Variants in UGT2A1 observed in about 807,000 individuals in gnomAD.
UGT2A1 encodes the protein UDP-glucuronosyltransferase 2A1.
In UGT2A1, 61 loss-of-function variants were observed where a neutral mutation model predicts 45.4. The observed-to-expected ratio is 1.34, with a 90% confidence interval of 1.09 to 1.66. The LOEUF is 1.66. Ranked by LOEUF, UGT2A1 falls within the 40% of genes most tolerant of loss-of-function variation. UGT2A1 has a pLI of 0.00. For synonymous variants in UGT2A1, 229 were observed against 196.2 expected (o/e 1.17, Z -1.40); for missense variants, 649 against 574.3 (o/e 1.13, Z -1.33).
In UGT2A1 at chr4:69,597,715, AACAC is replaced by A. The variant is rs71671445; in HGVS notation, c.996+1527_996+1530del. On this transcript the variant is annotated intron_variant, in intron 4 of 6. Transcript: ENST00000286604. ...CAAACAGATATTAATTCATTAAAATAACACACACACACACACACACAAACATACA... is the reference window on the plus strand; with the variant it reads ...CAAACAGATATTAATTCATTAAAATAACACACACACACACACAAACATACA... 3.1e-4 allele frequency among the ~76,000 whole-genome samples: 47 copies of A among 150,352 alleles called. 1 individual carries two copies. The Middle Eastern group carries it at 0.01, about 33-fold the overall frequency.
intron 3 of UGT2A1, among the ~76,000 whole-genome samples, chr4:69,626,584 G>A (rs888977871): frequency 1.3e-5 from 2 of 151,400 alleles, no homozygotes; most frequent in Non-Finnish European, 3.0e-5. Flanking sequence ...TTAGTGACAC[G>A]CAGTATACTC....
rs1276826745 is a variant in UGT2A1 at position 69,601,836 on chromosome 4, G to A, written c.848-2442C>T. Among the ~76,000 whole-genome samples, 2 of 136,228 alleles carry A rather than the reference G, an allele frequency of 1.5e-5. 1 individual carries two copies. Among genetic ancestry groups the A allele is most frequent in the African/African-American group, 6.0e-5 (2 of 33,542 alleles). The allele number at this position is 136,228 out of a possible 152,430, so 89.4% of individuals were successfully genotyped here. A position where few individuals can be genotyped will look rare whatever the true frequency, so the allele number is the denominator to read the frequency against. ...CTGGGGTGTGACAGCCCTACTGGGT[G>A]GCCAGGTCTAGAGGAGCAGCAGCAC... On this transcript the variant is annotated intron_variant, in intron 3 of 6. Transcript: ENST00000286604.
intron 3 of UGT2A1, among the ~76,000 whole-genome samples, chr4:69,629,548 T>A (rs769228584): frequency 1.3e-5 from 2 of 152,030 alleles, no homozygotes; most frequent in African/African-American, 2.4e-5. Flanking sequence ...GTAGCTGAGG[T>A]TAGTCAAACA....
chr4:69,639,323 A>G (rs769604929), intron 2 of UGT2A1: 14 of 1,613,578 alleles, frequency 8.7e-6, no homozygotes, highest in East Asian at 2.2e-5. Flanking sequence ...GAGTTGGTCT[A>G]TGGTCAATCC....
intron 2 of UGT2A1, among the ~76,000 whole-genome samples, chr4:69,640,493 G>T (rs542214147): frequency 6.6e-6 from 1 of 151,936 alleles, no homozygotes; most frequent in East Asian, 1.9e-4. Flanking sequence ...GATCAGATAT[G>T]GATATAGTGT....
rs545862381 is a variant in UGT2A1 at position 69,616,824 on chromosome 4, T to C, written c.848-17430A>G. On this transcript the variant is annotated intron_variant, in intron 3 of 6. Transcript: ENST00000286604. ...TGACACTTTCTAAATTTCTCTGCCATTTTCTTTTCTTTTTTTTTTTTTTTT... is the reference window on the plus strand; with the variant it reads ...TGACACTTTCTAAATTTCTCTGCCACTTTCTTTTCTTTTTTTTTTTTTTTT... 6.9e-3 allele frequency among the ~76,000 whole-genome samples: 733 copies of C among 106,202 alleles called. 7 individuals are homozygous for C. Among genetic ancestry groups the C allele is most frequent in the African/African-American group, 0.025 (712 of 28,966 alleles). The allele number at this position is 106,202 out of a possible 152,430, so 69.7% of individuals were successfully genotyped here.
intron 2 of UGT2A1, among the ~76,000 whole-genome samples, chr4:69,646,142 C>T (rs1560497246): frequency 6.6e-6 from 1 of 151,774 alleles, no homozygotes; most frequent in East Asian, 1.9e-4. Context: ...ATCCTTGAAT[C>T]CATGGACTTT....
chr4:69,641,067 ATAAT>A (rs1038985610), intron 2 of UGT2A1, among the ~76,000 whole-genome samples: 5 of 151,904 alleles, frequency 3.3e-5, no homozygotes, highest in African/African-American at 9.7e-5. Flanking sequence ...GAAAAATATA[ATAAT>A]TAATTAGGGA....
chr4:69,609,553 AAGTC>A (rs372294361), intron 3 of UGT2A1, among the ~76,000 whole-genome samples: 2 of 152,244 alleles, frequency 1.3e-5, no homozygotes, highest in African/African-American at 4.8e-5. Flanking sequence ...CTGTTAATAA[AAGTC>A]AGTAAATGAA....
intron 2 of UGT2A1, among the ~76,000 whole-genome samples, chr4:69,640,362 C>G (rs1721985171): frequency 6.6e-6 from 1 of 151,906 alleles, no homozygotes. Flanking sequence ...AGCTACTTTT[C>G]AATCTTCTTG....
intron 3 of UGT2A1, among the ~76,000 whole-genome samples, chr4:69,622,809 A>G: frequency 6.6e-6 from 1 of 151,780 alleles, no homozygotes; most frequent in East Asian, 1.9e-4. Flanking sequence ...AGGTCCTCAA[A>G]CACATTCATC....
intron 3 of UGT2A1, among the ~76,000 whole-genome samples, chr4:69,607,183 A>ACTGACCAAAACAGCATG (rs1390324533): frequency 7.4e-6 from 1 of 135,074 alleles, no homozygotes; most frequent in African/African-American, 2.9e-5. Context: ...GCAAGGCTAC[A>ACTGACCAAAACAGCATG]GTAACCAAAA....
chr4:69,620,811 A>G (rs937608567), intron 3 of UGT2A1, among the ~76,000 whole-genome samples: 1 of 151,928 alleles, frequency 6.6e-6, no homozygotes, highest in African/African-American at 2.4e-5. Context: ...CAAAGGAAAC[A>G]GAATAGAGAG....
intron 3 of UGT2A1, among the ~76,000 whole-genome samples, chr4:69,607,554 C>T (rs956180608): frequency 9.9e-5 from 15 of 151,770 alleles, no homozygotes; most frequent in African/African-American, 3.6e-4. Context: ...GCAACAAAAG[C>T]CAAAATTGAC....
intron 2 of UGT2A1, among the ~76,000 whole-genome samples, chr4:69,643,192 A>G (rs1477326918): frequency 2.0e-5 from 3 of 151,566 alleles, no homozygotes; most frequent in African/African-American, 4.8e-5. Flanking sequence ...CAATGGCCCA[A>G]TTATATTCAT....
At position 69,633,943 on chromosome 4, in the gene UGT2A1, T is replaced by C. The variant is rs1054524329; in HGVS notation, c.847+1748A>G. Among the ~76,000 whole-genome samples, 3 of 152,010 alleles carry C rather than the reference T, an allele frequency of 2.0e-5. No individual in the cohort carries two copies. In the East Asian group the frequency reaches 5.8e-4, roughly 29 times the overall value. Reference sequence around the variant, plus strand: ...TAGGATTTATGTTTTGCAGAAAGAATATACAAAATTTTAAAAACCCGGCCG... The same window carrying C: ...TAGGATTTATGTTTTGCAGAAAGAACATACAAAATTTTAAAAACCCGGCCG... On this transcript the variant is annotated intron_variant, in intron 3 of 6. Transcript: ENST00000286604.
chr4:69,629,260 G>A (rs942251546), intron 3 of UGT2A1, among the ~76,000 whole-genome samples: 16 of 152,038 alleles, frequency 1.1e-4, no homozygotes, highest in Admixed American at 1.0e-3. Context: ...CTAGCACTAT[G>A]AATAGCGTTC....
intron 6 of UGT2A1, among the ~76,000 whole-genome samples, chr4:69,590,091 T>C (rs1159057113): frequency 1.3e-5 from 2 of 152,188 alleles, no homozygotes; most frequent in Non-Finnish European, 1.5e-5. Flanking sequence ...CAGTCAGCAT[T>C]AGTGAGTCAT....
At chr4:69,639,216 G>T (rs1721907458) in intron 2 of UGT2A1, 1 of 1,613,492 alleles carries the variant, frequency 6.2e-7, no homozygotes, top group Non-Finnish European at 8.5e-7. Flanking sequence ...CATCAACTTT[G>T]GGTTCTTTAG....
Sources: gnomAD v4.1 joint callset for allele counts (sites outside exome capture counted in the v4.1 genomes callset) on GRCh38, gnomAD v4.1.1 for gene constraint, MANE v1.5 for transcripts, NCBI Gene and HGNC (gene_info 2026-07-23, HGNC 2026-07-21) for gene names.